The following TANGO6 variants were observed in gnomAD, a reference collection of about 807,000 sequenced individuals.
TANGO6 encodes the protein transport and golgi organization 6 homolog.
TANGO6 carries 90 observed loss-of-function variants against 114.2 expected under a neutral mutation model. The observed-to-expected ratio is 0.79, with a 90% CI of 0.66 to 0.94. The LOEUF is 0.94. Ranked by LOEUF, TANGO6 falls within the 40% of genes least tolerant of loss-of-function variation. TANGO6 has a pLI of 0.00. For synonymous variants in TANGO6, 477 were observed against 509.8 expected (o/e 0.94, Z 0.87); for missense variants, 1,274 against 1,315.3 (o/e 0.97, Z 0.49).
intron 14 of TANGO6, among the ~76,000 whole-genome samples, chr16:68,939,552 C>A (rs1422248764): frequency 6.6e-6 from 1 of 150,960 alleles, no homozygotes; most frequent in East Asian, 1.9e-4. Context: ...ATTGTCTAAG[C>A]TGTCCACTAG....
chr16:68,955,734 A>G (rs1192210214), intron 14 of TANGO6, among the ~76,000 whole-genome samples: 1 of 152,228 alleles, frequency 6.6e-6, no homozygotes, highest in South Asian at 2.1e-4. Context: ...AAACCTTAAC[A>G]TGCAGCATAT....
At chr16:69,027,189 G>A (rs1294660294) in intron 16 of TANGO6, among the ~76,000 whole-genome samples, 1 of 152,072 alleles carries the variant, frequency 6.6e-6, no homozygotes, top group Non-Finnish European at 1.5e-5. Context: ...TCAATGTTTG[G>A]CAGTTGTGTC....
intron 7 of TANGO6, among the ~76,000 whole-genome samples, chr16:68,893,595 G>C (rs573368789): frequency 5.4e-4 from 82 of 151,910 alleles, no homozygotes; most frequent in Non-Finnish European, 9.9e-4. Context: ...AATTAGCCGG[G>C]CGTGGTGGCA....
intron 11 of TANGO6, among the ~76,000 whole-genome samples, chr16:68,910,477 G>C (rs1376217551): frequency 6.6e-6 from 1 of 152,118 alleles, no homozygotes; most frequent in Non-Finnish European, 1.5e-5. Flanking sequence ...TCTAAAAATT[G>C]ATATGACTTG....
At chr16:68,915,663 C>T (rs1283539398) in intron 11 of TANGO6, among the ~76,000 whole-genome samples, 1 of 152,204 alleles carries the variant, frequency 6.6e-6, no homozygotes, top group Non-Finnish European at 1.5e-5. Flanking sequence ...GTGTCCTTAT[C>T]TTCTAGTATG....
At position 68,893,715 on chromosome 16, in the gene TANGO6, G is replaced by A. The variant is rs143130146; in HGVS notation, c.1378-6719G>A. Among the ~76,000 whole-genome samples, 636 of 119,620 alleles carry A rather than the reference G, an allele frequency of 5.3e-3. 3 individuals carry two copies. The highest frequency in any genetic ancestry group is 0.017 in the South Asian group (68 of 4,032). The allele number at this position is 119,620 out of a possible 152,430, so 78.5% of individuals were successfully genotyped here. A position where few individuals can be genotyped will look rare whatever the true frequency, so the allele number is the denominator to read the frequency against. On this transcript the variant is annotated intron_variant, in intron 7 of 17. Coordinates refer to ENST00000261778, the MANE Select transcript of TANGO6 (RefSeq NM_024562.2). ...CACGCCACTGCATTCCTGCCTGGGC[G>A]ACAGAGTGAAACTGTGTCTCAAAAA... is the stretch of plus-strand genomic sequence containing the variant.
intron 5 of TANGO6, among the ~76,000 whole-genome samples, 174 bp from the exon 6 acceptor site, chr16:68,877,944 G>A (rs1962393324): frequency 6.6e-6 from 1 of 152,190 alleles, no homozygotes. Flanking sequence ...AACACTGCCT[G>A]TTCAGCTCTC....
intron 15 of TANGO6, among the ~76,000 whole-genome samples, chr16:68,975,400 A>G (rs1224616050): frequency 6.7e-6 from 1 of 150,352 alleles, no homozygotes; most frequent in South Asian, 2.1e-4. Flanking sequence ...TTTTTTTTTC[A>G]TGGTAGAGTT....
intron 13 of TANGO6, among the ~76,000 whole-genome samples, chr16:68,928,298 A>ATTTTTTTTTTTT: frequency 1.0e-5 from 1 of 98,568 alleles, no homozygotes; most frequent in Non-Finnish European, 1.9e-5. Context: ...CTGAGTGCCA[A>ATTTTTTTTTTTT]TTTTTTTTTT....
intron 15 of TANGO6, among the ~76,000 whole-genome samples, chr16:69,018,746 C>G (rs574253513): frequency 6.6e-6 from 1 of 151,206 alleles, no homozygotes; most frequent in African/African-American, 2.4e-5. Flanking sequence ...CACGGTGAAA[C>G]CCCATCTCTA....
chr16:68,915,930 A>G (rs1962997495), intron 11 of TANGO6, among the ~76,000 whole-genome samples: 1 of 152,132 alleles, frequency 6.6e-6, no homozygotes. Flanking sequence ...CATTTCTAAA[A>G]TGATTTCTCT....
chr16:68,952,753 T>C (rs1336333365), intron 14 of TANGO6, among the ~76,000 whole-genome samples: 2 of 152,070 alleles, frequency 1.3e-5, no homozygotes, highest in African/African-American at 4.8e-5. Context: ...CAGAGGAGGA[T>C]TGAAGGTTGG....
intron 4 of TANGO6, 70 bp from the exon 5 acceptor site, chr16:68,875,084 C>A: frequency 6.8e-7 from 1 of 1,478,018 alleles, no homozygotes; most frequent in Non-Finnish European, 9.1e-7. Context: ...AATTTTAAGA[C>A]AAATTTGTTA....
chr16:69,019,302 TCTC>T (rs1959361287), intron 15 of TANGO6, among the ~76,000 whole-genome samples: 1 of 152,192 alleles, frequency 6.6e-6, no homozygotes. Flanking sequence ...ACAATTCAAA[TCTC>T]CTCTTTTCTA....
intron 1 of TANGO6, chr16:68,846,423 A>G: frequency 3.7e-6 from 1 of 273,730 alleles, no homozygotes; most frequent in East Asian, 1.5e-4. Flanking sequence ...CTAGACTCAC[A>G]TAGATATGTA....
chr16:68,904,492 T>A (rs1405590018), intron 9 of TANGO6, among the ~76,000 whole-genome samples: 1 of 152,204 alleles, frequency 6.6e-6, no homozygotes, highest in South Asian at 2.1e-4. Flanking sequence ...ATTAGAGGAA[T>A]ATGAAGTCCA....
At chr16:68,898,946 CTTATTATTATTA>C (rs143073228) in intron 7 of TANGO6, among the ~76,000 whole-genome samples, 8,587 of 144,966 alleles carry the variant, frequency 0.059, 627 homozygotes, top group African/African-American at 0.17. Flanking sequence ...AATTATCTGC[CTTATTATTATTA>C]TTATTATTAT....
chr16:68,912,090 G>C (rs571145565), intron 11 of TANGO6, among the ~76,000 whole-genome samples: 1 of 152,218 alleles, frequency 6.6e-6, no homozygotes, highest in Non-Finnish European at 1.5e-5. Context: ...AAAGAATAAA[G>C]CATTTGTCTT....
At position 68,979,846 on chromosome 16, in the gene TANGO6, C is replaced by CTT. The variant is rs775591234; in HGVS notation, c.2842+5693_2842+5694dup. 1.4e-3 allele frequency among the ~76,000 whole-genome samples: 191 copies of CTT among 136,272 alleles called. 1 individual carries two copies. Among genetic ancestry groups the CTT allele is most frequent in the Non-Finnish European group, 2.8e-3 (174 of 62,804 alleles). The allele number at this position is 136,272 out of a possible 152,430, so 89.4% of individuals were successfully genotyped here. A position where few individuals can be genotyped will look rare whatever the true frequency, so the allele number is the denominator to read the frequency against. The stretch of plus-strand genomic sequence containing the variant: ...TTAGGGTATCAATTTTGTTTTTTGA[C>CTT]TTTTTTTTTTTTTTTTGTAGTGGAG... On this transcript the variant is annotated intron_variant, in intron 15 of 17. Transcript: ENST00000261778.
Sources: gnomAD v4.1 joint callset for allele counts (sites outside exome capture counted in the v4.1 genomes callset) on GRCh38, gnomAD v4.1.1 for gene constraint, MANE v1.5 for transcripts, NCBI Gene and HGNC (gene_info 2026-07-23, HGNC 2026-07-21) for gene names.